The following NDRG4 variants were observed in gnomAD, a reference collection of about 807,000 sequenced individuals.
The protein encoded by NDRG4 is protein NDRG4.
In NDRG4, 38 loss-of-function variants were observed where a neutral mutation model predicts 55.8. The observed-to-expected ratio is 0.68, with a 90% CI of 0.53 to 0.89. NDRG4 has a LOEUF of 0.89. Among genes scored for constraint, NDRG4 ranks in the 40% least tolerant of loss-of-function variants. NDRG4 has a pLI of 0.00. For missense variants in NDRG4, 455 were observed against 468.6 expected (o/e 0.97, Z 0.27); for synonymous variants, 190 against 182.7 (o/e 1.04, Z -0.32).
In NDRG4 at chr16:58,464,413, G is replaced by C; in HGVS notation, c.-24+616G>C. ...CCCCGACGCCGCCACCCAGAGCCGG[G>C]CCGCGCCGGGCGCCGAGATGAAGGT... On this transcript the variant is annotated intron_variant, in intron 1 of 15. Transcript: ENST00000258187. This position sits in a 1 kb window ranked among gnomAD's most constrained non-coding sequence, Gnocchi z 4.8. 2 of 1,368,748 alleles carry C rather than the reference G, an allele frequency of 1.5e-6. No homozygotes were observed. The highest frequency in any genetic ancestry group is 1.9e-6 in the Non-Finnish European group (2 of 1,063,832). 84.8% of individuals were successfully genotyped at this position (1,368,748 alleles called of 1,614,324 possible).
intron 2 of NDRG4, among the ~76,000 whole-genome samples, chr16:58,489,879 CTG>C (rs1048178301): frequency 7.9e-5 from 12 of 152,102 alleles, no homozygotes; most frequent in African/African-American, 2.9e-4. Context: ...GGGTCTCACT[CTG>C]TCACCCAGGC....
chr16:58,480,634 C>T (rs1032123854), intron 1 of NDRG4, among the ~76,000 whole-genome samples: 2 of 152,200 alleles, frequency 1.3e-5, no homozygotes, highest in East Asian at 1.9e-4. Context: ...ACAGGTCAGC[C>T]GTGGAGATTT....
chr16:58,509,279 G>C, intron 12 of NDRG4, 22 bp from the exon 13 acceptor site: 1 of 1,614,048 alleles, frequency 6.2e-7, no homozygotes, highest in Non-Finnish European at 8.5e-7. Context: ...ATGAAAGCAT[G>C]TGCTTGTCCT....
chr16:58,513,957 CAAAAT>C (rs796721711), downstream of NDRG4, among the ~76,000 whole-genome samples: 6 of 151,920 alleles, frequency 3.9e-5, no homozygotes, highest in South Asian at 6.2e-4. Context: ...GACTCTGCCT[CAAAAT>C]AAAACAAAAA....
chr16:58,477,782 A>AG (rs200939083), intron 1 of NDRG4, among the ~76,000 whole-genome samples: 2 of 101,526 alleles, frequency 2.0e-5, no homozygotes, highest in African/African-American at 7.7e-5. Context: ...AGGGGGGTGG[A>AG]GGGGGTGGGG....
chr16:58,483,714 A>G (rs1359904425), intron 1 of NDRG4, among the ~76,000 whole-genome samples: 1 of 152,230 alleles, frequency 6.6e-6, no homozygotes, highest in Non-Finnish European at 1.5e-5. Context: ...CAAGGAACAC[A>G]CTGATCACCT....
chr16:58,509,431 A>C (rs927977810), intron 13 of NDRG4, 79 bp downstream of exon 13: 67 of 1,487,066 alleles, frequency 4.5e-5, no homozygotes, highest in Non-Finnish European at 6.2e-5. Context: ...TCCTGTTTGC[A>C]GGGCTGGCAC....
chr16:58,471,174 G>T (rs1174100987), intron 1 of NDRG4, among the ~76,000 whole-genome samples: 3 of 140,662 alleles, frequency 2.1e-5, no homozygotes, highest in African/African-American at 7.9e-5. Flanking sequence ...ATAAGAGAAT[G>T]AATGTGTGTT....
rs967698406 is a variant in NDRG4 at position 58,512,368 on chromosome 16, G to A, written c.*792G>A. On this transcript the variant is annotated 3_prime_UTR_variant, in exon 15 of 15. Transcript: ENST00000570248. ...GGGAGAAGGAGGAGAGAGCCCATGT[G>A]TGGTGTGTGTGCCCCTGAGAACTTC... is the stretch of plus-strand genomic sequence containing the variant. 3.2e-6 allele frequency: 1 copy of A among 311,642 alleles called. No individual in the cohort carries two copies. Among genetic ancestry groups the A allele is most frequent in the Non-Finnish European group, 6.3e-6 (1 of 159,424 alleles). 19.3% of individuals were successfully genotyped at this position (311,642 alleles called of 1,614,324 possible).
At chr16:58,468,336 CGGGG>C (rs1349888634) in intron 1 of NDRG4, among the ~76,000 whole-genome samples, 1 of 152,192 alleles carries the variant, frequency 6.6e-6, no homozygotes, top group Non-Finnish European at 1.5e-5. Context: ...ATGTGAATTT[CGGGG>C]TCTCCCCTGT....
intron 1 of NDRG4, among the ~76,000 whole-genome samples, chr16:58,465,946 G>T (rs191155425): frequency 1.3e-5 from 2 of 152,280 alleles, no homozygotes; most frequent in African/African-American, 4.8e-5. Flanking sequence ...ACCCAACTTG[G>T]AAGGGAACCG....
chr16:58,493,783 A>C (rs1187195975), intron 2 of NDRG4, among the ~76,000 whole-genome samples: 1 of 152,160 alleles, frequency 6.6e-6, no homozygotes, highest in Non-Finnish European at 1.5e-5. Context: ...AGAACCTGTG[A>C]GTTCTCCTTT....
intron 13 of NDRG4, among the ~76,000 whole-genome samples, chr16:58,510,285 G>A (rs1234015094): frequency 6.6e-6 from 1 of 152,242 alleles, no homozygotes; most frequent in African/African-American, 2.4e-5. Context: ...GCGCTGAGAC[G>A]CGTTCTCAGG....
At chr16:58,465,868 G>A (rs1320838931) in intron 1 of NDRG4, among the ~76,000 whole-genome samples, 2 of 152,202 alleles carry the variant, frequency 1.3e-5, no homozygotes, top group African/African-American at 4.8e-5. Flanking sequence ...TTAGCCACGG[G>A]GCTGGCACCC....
rs2031121702 is a variant in NDRG4, at chr16:58,464,238, T to G, written c.-24+441T>G. The G allele has an allele frequency of 2.3e-6, 1 of 431,354 alleles. No individual in the cohort carries two copies. Among genetic ancestry groups the G allele is most frequent in the African/African-American group, 2.0e-5 (1 of 48,798 alleles). 26.7% of individuals were successfully genotyped at this position (431,354 alleles called of 1,614,324 possible). A position where few individuals can be genotyped will look rare whatever the true frequency, so the allele number is the denominator to read the frequency against. On this transcript the variant is annotated intron_variant, in intron 1 of 15. Transcript: ENST00000258187. The surrounding 1 kb of genome is among the most constrained non-coding windows in gnomAD (Gnocchi z 4.8). ...TGCGCGGCCATGCAATTGGTGGATT[T>G]TTTTAAACCGTTTTGGAGGGGGGAG...
At chr16:58,487,506 TGA>T (rs1338386359) in intron 1 of NDRG4, among the ~76,000 whole-genome samples, 1 of 150,618 alleles carries the variant, frequency 6.6e-6, no homozygotes, top group East Asian at 2.0e-4. Context: ...GGTGACAGAG[TGA>T]GACTCCGTGT....
intron 13 of NDRG4, 130 bp downstream of exon 13, chr16:58,509,482 T>C: frequency 1.0e-6 from 1 of 956,586 alleles, no homozygotes; most frequent in East Asian, 2.5e-5. Context: ...AGCATAGGAG[T>C]TTTGTGTGAC....
At position 58,464,642 on chromosome 16, in the gene NDRG4, T is replaced by C; in HGVS notation, c.-24+845T>C. 1.1e-6 allele frequency: 1 copy of C among 949,074 alleles called. No homozygotes were observed. Among genetic ancestry groups the C allele is most frequent in the Non-Finnish European group, 1.4e-6 (1 of 715,694 alleles). 58.8% of individuals were successfully genotyped at this position (949,074 alleles called of 1,614,324 possible). A position where few individuals can be genotyped will look rare whatever the true frequency, so the allele number is the denominator to read the frequency against. Reference sequence around the variant, plus strand: ...CGGAGCCCAGCCCCGGGAGAGGACTTGAGGTTGTGGCGAGTCCCTGGCGCT... The same window carrying C: ...CGGAGCCCAGCCCCGGGAGAGGACTCGAGGTTGTGGCGAGTCCCTGGCGCT... On this transcript the variant is annotated intron_variant, in intron 1 of 15. Transcript: ENST00000258187. This position sits in a 1 kb window ranked among gnomAD's most constrained non-coding sequence, Gnocchi z 4.8.
intron 13 of NDRG4, among the ~76,000 whole-genome samples, chr16:58,509,929 CACACACACAG>C (rs1215688278): frequency 4.0e-5 from 6 of 148,794 alleles, no homozygotes; most frequent in Non-Finnish European, 9.0e-5. Flanking sequence ...GAACCAGGTA[CACACACACAG>C]ACACACACAC....
Sources: allele counts gnomAD v4.1 joint callset (sites outside exome capture counted in the v4.1 genomes callset), GRCh38; gene constraint gnomAD v4.1.1; non-coding constraint Gnocchi (gnomAD v3.1); transcripts MANE v1.5; gene names NCBI Gene and HGNC (gene_info 2026-07-23, HGNC 2026-07-21).